The following PAIP2B variants were observed in gnomAD, a reference collection of about 807,000 sequenced individuals.
PAIP2B encodes polyadenylate-binding protein-interacting protein 2B.
A neutral mutation model predicts 17.0 loss-of-function variants in PAIP2B; 13 were observed. The observed-to-expected ratio is 0.76, with a 90% CI of 0.50 to 1.22. The LOEUF (loss-of-function observed/expected upper bound fraction) is 1.22. PAIP2B is among the 50% of genes most tolerant of loss of function. PAIP2B has a pLI of 0.00. For missense variants in PAIP2B, 117 were observed against 144.5 expected, an observed-to-expected ratio of 0.81 and a Z score of 0.98; for synonymous variants, 43 against 48.7, an observed-to-expected ratio of 0.88 and a Z score of 0.48.
intron 1 of PAIP2B, among the ~76,000 whole-genome samples, chr2:71,209,588 A>G (rs1186809334): frequency 2.0e-5 from 3 of 152,180 alleles, no homozygotes; most frequent in Non-Finnish European, 4.4e-5. Context: ...TCCTTACTCC[A>G]TGGTAGGAAA....
chr2:71,219,511 T>A (rs1296424412), intron 1 of PAIP2B, among the ~76,000 whole-genome samples: 1 of 152,146 alleles, frequency 6.6e-6, no homozygotes, highest in Non-Finnish European at 1.5e-5. Flanking sequence ...TCTCATTTTT[T>A]AAAATATATG....
intron 2 of PAIP2B, among the ~76,000 whole-genome samples, chr2:71,192,981 T>G (rs13000818): frequency 0.065 from 9,939 of 152,248 alleles, 353 homozygotes; most frequent in African/African-American, 0.088. Context: ...TGGGTTGAAT[T>G]GTAGTTTTAG....
chr2:71,216,992 T>TAC (rs1212800211), intron 1 of PAIP2B, among the ~76,000 whole-genome samples: 1 of 152,238 alleles, frequency 6.6e-6, no homozygotes, highest in Admixed American at 6.5e-5. Flanking sequence ...CAAAACCATT[T>TAC]ACATCCTCTT....
At position 71,226,312 on chromosome 2, in the gene PAIP2B, G is replaced by A. The variant is rs965946168; in HGVS notation, c.-12+616C>T. Among the ~76,000 whole-genome samples the A allele has an allele frequency of 7.2e-5, 11 of 152,298 alleles. No individual in the cohort carries two copies. In the South Asian group the frequency reaches 8.3e-4, roughly 11 times the overall value. ...GTTAGTTTTCTGGAGAGATGAGAAT[G>A]GAATTTAGGGGTTGGTAGGGGGTGA... On this transcript the variant is annotated intron_variant, in intron 1 of 3. Coordinates refer to ENST00000244221, the MANE Select transcript of PAIP2B (RefSeq NM_020459.1).
intron 2 of PAIP2B, among the ~76,000 whole-genome samples, chr2:71,197,896 C>T (rs11691703): frequency 0.022 from 3,411 of 152,272 alleles, 54 homozygotes; most frequent in South Asian, 0.07. Context: ...CCACCAGGTC[C>T]CTCCCACAAC....
chr2:71,194,529 C>G (rs1255708557), intron 2 of PAIP2B, among the ~76,000 whole-genome samples: 1 of 151,322 alleles, frequency 6.6e-6, no homozygotes, highest in Non-Finnish European at 1.5e-5. Flanking sequence ...TGATTTGGCT[C>G]TCAGTTTGGT....
chr2:71,217,052 C>G (rs924329802), intron 1 of PAIP2B, among the ~76,000 whole-genome samples: 1 of 152,200 alleles, frequency 6.6e-6, no homozygotes, highest in Non-Finnish European at 1.5e-5. Context: ...CTCAGGCACA[C>G]TAGGAGTTCT....
chr2:71,226,676 C>T (rs1675738498), intron 1 of PAIP2B, among the ~76,000 whole-genome samples: 1 of 150,836 alleles, frequency 6.6e-6, no homozygotes, highest in African/African-American at 2.4e-5. Flanking sequence ...AGCACCTGTG[C>T]GGGGGGGAAA....
chr2:71,204,973 T>TA (rs201858394), intron 1 of PAIP2B, among the ~76,000 whole-genome samples: 2 of 151,962 alleles, frequency 1.3e-5, no homozygotes, highest in Non-Finnish European at 2.9e-5. Context: ...TCAGTTTTTT[T>TA]AAAAAAAATC....
chr2:71,199,786 G>A (rs560196036), intron 2 of PAIP2B, among the ~76,000 whole-genome samples: 1 of 152,294 alleles, frequency 6.6e-6, no homozygotes, highest in Non-Finnish European at 1.5e-5. Flanking sequence ...AGCTAATCAA[G>A]AGGCTGTAGT....
In PAIP2B at chr2:71,183,891, C is replaced by G. The variant is rs1674464284; in HGVS notation, c.*4588G>C. On this transcript the variant is annotated 3_prime_UTR_variant, in exon 4 of 4. Transcript: ENST00000244221. ...GTTACTAAAATCACTGAAATGTACA[C>G]TTGAAATGGGTGTTTTATGATATGT... 1 of 152,208 alleles carries G rather than the reference C, an allele frequency of 6.6e-6. No homozygotes were observed. Among genetic ancestry groups the G allele is most frequent in the Admixed American group, 6.5e-5 (1 of 15,288 alleles). The allele number at this position is 152,208 out of a possible 1,614,324, so 9.4% of individuals were successfully genotyped here. A position where few individuals can be genotyped will look rare whatever the true frequency, so the allele number is the denominator to read the frequency against.
In PAIP2B at chr2:71,186,280, G is replaced by C. The variant is rs1425231738; in HGVS notation, c.*2199C>G. 3 of 152,206 alleles carry C rather than the reference G, an allele frequency of 2.0e-5. No homozygotes were observed. Among genetic ancestry groups the C allele is most frequent in the Non-Finnish European group, 4.4e-5 (3 of 68,042 alleles). The allele number at this position is 152,206 out of a possible 1,614,324, so 9.4% of individuals were successfully genotyped here. On this transcript the variant is annotated 3_prime_UTR_variant, in exon 4 of 4. Transcript: ENST00000244221. ...TCCCAACATAAATAGATGGCAAAAA[G>C]AGTTGGACTACAAGAGGAACCGCCG...
chr2:71,209,006 G>A (rs1572932626), intron 1 of PAIP2B, among the ~76,000 whole-genome samples: 1 of 152,300 alleles, frequency 6.6e-6, no homozygotes, highest in Middle Eastern at 3.4e-3. Context: ...ATTTGTCACA[G>A]CAGCCACAGG....
chr2:71,188,727 T>C (rs1048803750), intron 3 of PAIP2B, among the ~76,000 whole-genome samples, 192 bp from the exon 4 acceptor site: 28 of 152,318 alleles, frequency 1.8e-4, no homozygotes, highest in African/African-American at 6.3e-4. Flanking sequence ...TCTCCTTCCT[T>C]CTTTGGACTC....
chr2:71,205,683 T>G (rs10194448), intron 1 of PAIP2B, among the ~76,000 whole-genome samples: 109,459 of 152,084 alleles, frequency 0.72, 39,655 homozygotes, highest in Middle Eastern at 0.79. Context: ...CCATGCTTGA[T>G]CACTGTGTTT....
intron 1 of PAIP2B, 57 bp from the exon 2 acceptor site, chr2:71,202,657 AC>A (rs1675015279): frequency 4.2e-6 from 6 of 1,419,986 alleles, no homozygotes; most frequent in Non-Finnish European, 5.8e-6. Flanking sequence ...AAATGTAGAG[AC>A]CTAAAACATG....
rs1175332547 is a variant in PAIP2B, at chr2:71,185,710, T to G, written c.*2769A>C. 2.0e-5 allele frequency: 3 copies of G among 152,092 alleles called. No individual in the cohort carries two copies. Among genetic ancestry groups the G allele is most frequent in the Non-Finnish European group, 4.4e-5 (3 of 68,026 alleles). 9.4% of individuals were successfully genotyped at this position (152,092 alleles called of 1,614,324 possible). A position where few individuals can be genotyped will look rare whatever the true frequency, so the allele number is the denominator to read the frequency against. On this transcript the variant is annotated 3_prime_UTR_variant, in exon 4 of 4. Transcript: ENST00000244221. ...GATTCCCAAAACTCAACTATTATTG[T>G]CAGAAACTGGCCCAAAGACCCAGGG...
chr2:71,199,816 A>G (rs1478008539), intron 2 of PAIP2B, among the ~76,000 whole-genome samples: 1 of 152,150 alleles, frequency 6.6e-6, no homozygotes, highest in Non-Finnish European at 1.5e-5. Context: ...ACTTGTGCCT[A>G]GGGGTTCAAG....
intron 1 of PAIP2B, among the ~76,000 whole-genome samples, chr2:71,218,784 T>C (rs1281671549): frequency 6.6e-6 from 1 of 152,158 alleles, no homozygotes; most frequent in Non-Finnish European, 1.5e-5. Context: ...CACAGAAACA[T>C]GCCCAAAATA....
Sources: gnomAD v4.1 joint callset for allele counts (sites outside exome capture counted in the v4.1 genomes callset) on GRCh38, gnomAD v4.1.1 for gene constraint, MANE v1.5 for transcripts, NCBI Gene and HGNC (gene_info 2026-07-23, HGNC 2026-07-21) for gene names.